The following RNF19A variants were observed in gnomAD, a reference collection of about 807,000 sequenced individuals.
The protein encoded by RNF19A is E3 ubiquitin-protein ligase RNF19A.
RNF19A carries 32 observed loss-of-function variants against 75.7 expected under a neutral mutation model. The observed-to-expected ratio is 0.42, with a 90% CI of 0.32 to 0.57. The LOEUF (loss-of-function observed/expected upper bound fraction) is 0.57, where lower values mean the gene tolerates loss of function less well. RNF19A is among the 20% of genes least tolerant of loss of function. The pLI is 0.10. For synonymous variants in RNF19A, 335 were observed against 345.2 expected, an observed-to-expected ratio of 0.97 and a Z score of 0.33; for missense variants, 782 against 1,036.3, an observed-to-expected ratio of 0.75 and a Z score of 3.37.
In RNF19A at chr8:100,261,737, TCTG is replaced by T; in HGVS notation, c.1484_1486del (p.Ala495del). The T allele has an allele frequency of 6.2e-7, 1 of 1,614,178 alleles. No homozygotes were observed. The highest frequency in any genetic ancestry group is 1.1e-5 in the South Asian group (1 of 91,082). ...CCCTATGCTTGGGTTGTGTCTTGCT[TCTG>T]CTACTGATGTTGTGTCTAAATGCAA... is the stretch of plus-strand genomic sequence containing the variant. On this transcript the variant is annotated inframe_deletion, in exon 8 of 10. Transcript: ENST00000341084. The surrounding 1 kb of genome is among the most constrained non-coding windows in gnomAD (Gnocchi z 4.4).
intron 1 of RNF19A, among the ~76,000 whole-genome samples, chr8:100,306,972 T>C (rs1822087906): frequency 6.6e-6 from 1 of 152,248 alleles, no homozygotes; most frequent in East Asian, 1.9e-4. Context: ...TATATAATCA[T>C]GGGTCCTTTC....
At position 100,283,123 on chromosome 8, in the gene RNF19A, A is replaced by C. The variant is rs578132729; in HGVS notation, c.674+4378T>G. On this transcript the variant is annotated intron_variant, in intron 2 of 9. Coordinates refer to ENST00000341084, the MANE Select transcript of RNF19A (RefSeq NM_183419.4). ...GACAATAAATCATTAATTATGTCCC[A>C]GTATAATAAATGTTCTTGTATATTC... 4.6e-5 allele frequency among the ~76,000 whole-genome samples: 7 copies of C among 151,896 alleles called. No homozygotes were observed. In the South Asian group the frequency reaches 1.5e-3, roughly 32 times the overall value.
At chr8:100,288,293 A>G in intron 1 of RNF19A, 26 bp from the exon 2 acceptor site, 1 of 1,256,756 alleles carries the variant, frequency 8.0e-7, no homozygotes, top group African/African-American at 1.5e-5. Context: ...TAAAAAAATC[A>G]AGATCATTTA....
At chr8:100,295,325 A>G (rs139856995) in intron 1 of RNF19A, among the ~76,000 whole-genome samples, 2 of 152,244 alleles carry the variant, frequency 1.3e-5, no homozygotes, top group African/African-American at 4.8e-5. Context: ...ACAGCACTCT[A>G]TTTTTCGTAG....
chr8:100,288,405 T>C (rs1821133820), intron 1 of RNF19A, 138 bp from the exon 2 acceptor site: 1 of 397,068 alleles, frequency 2.5e-6, no homozygotes, highest in Non-Finnish European at 4.2e-6. Flanking sequence ...GCCAATTTAT[T>C]AAATAGTCTA....
At chr8:100,328,472 T>G (rs145411802) in intron 1 of RNF19A, among the ~76,000 whole-genome samples, 4 of 151,972 alleles carry the variant, frequency 2.6e-5, no homozygotes, top group Non-Finnish European at 4.4e-5. Flanking sequence ...GTTTTTTGTT[T>G]GTTTGCTTTT....
chr8:100,277,384 T>C (rs923711097), intron 2 of RNF19A, among the ~76,000 whole-genome samples: 2 of 152,126 alleles, frequency 1.3e-5, no homozygotes, highest in African/African-American at 4.8e-5. Flanking sequence ...CGATCTCGGC[T>C]CACTGCAATC....
intron 1 of RNF19A, among the ~76,000 whole-genome samples, chr8:100,297,828 A>C (rs187393091): frequency 2.4e-4 from 37 of 152,322 alleles, no homozygotes; most frequent in Middle Eastern, 6.8e-3. Flanking sequence ...TAATAAGATG[A>C]GGTAACAAAA....
chr8:100,301,100 TAA>T (rs1330389094), intron 1 of RNF19A, among the ~76,000 whole-genome samples: 1 of 152,262 alleles, frequency 6.6e-6, no homozygotes. Flanking sequence ...TGAGGCTATT[TAA>T]ATTAAAATTA....
chr8:100,269,422 G>A lies in RNF19A; in HGVS notation c.1028+447C>T, dbSNP rs1264543023. ...ATATTAACAAGATACTGATAACTGA[G>A]ATTCAGGTTAAAAATTTATCCCTAG... On this transcript the variant is annotated intron_variant, in intron 4 of 9. Coordinates refer to ENST00000341084, the MANE Select transcript of RNF19A (RefSeq NM_183419.4). The surrounding 1 kb of genome is among the most constrained non-coding windows in gnomAD (Gnocchi z 5.7). Among the ~76,000 whole-genome samples the A allele has an allele frequency of 1.3e-5, 2 of 150,954 alleles. No individual in the cohort carries two copies. The highest frequency in any genetic ancestry group is 6.6e-5 in the Admixed American group (1 of 15,168).
In RNF19A at chr8:100,257,854, T is replaced by G; in HGVS notation, c.*702A>C. On this transcript the variant is annotated 3_prime_UTR_variant, in exon 10 of 10. Transcript: ENST00000341084. ...ACTTTATTTTGTAGTTTTATGTATC[T>G]TATTTGTTGCTGTCATATGCTTAAT... 1 of 395,292 alleles carries G rather than the reference T, an allele frequency of 2.5e-6. No individual in the cohort carries two copies. Among genetic ancestry groups the G allele is most frequent in the East Asian group, 3.6e-5 (1 of 27,808 alleles). 24.5% of individuals were successfully genotyped at this position (395,292 alleles called of 1,614,324 possible). A position where few individuals can be genotyped will look rare whatever the true frequency, so the allele number is the denominator to read the frequency against.
intron 1 of RNF19A, among the ~76,000 whole-genome samples, chr8:100,290,432 T>C (rs1163896424): frequency 1.3e-5 from 2 of 152,194 alleles, no homozygotes; most frequent in African/African-American, 4.8e-5. Context: ...GTATGCATAG[T>C]GGTTACAAAG....
intron 1 of RNF19A, among the ~76,000 whole-genome samples, chr8:100,301,796 GT>G (rs1443117192): frequency 6.6e-6 from 1 of 152,190 alleles, no homozygotes; most frequent in Non-Finnish European, 1.5e-5. Flanking sequence ...GGGGAAAAAA[GT>G]TAGGCAGAGC....
chr8:100,309,626 CG>C, intron 1 of RNF19A: 1 of 938,082 alleles, frequency 1.1e-6, no homozygotes, highest in Non-Finnish European at 1.3e-6. Flanking sequence ...GGGAGACGCC[CG>C]CGCCTGGGCC....
At position 100,261,784 on chromosome 8, in the gene RNF19A, G is replaced by A. The variant is rs1040342667; in HGVS notation, c.1469-29C>T. On this transcript the variant is annotated intron_variant, in intron 7 of 9. Coordinates refer to ENST00000341084, the MANE Select transcript of RNF19A (RefSeq NM_183419.4). The surrounding 1 kb of genome is among the most constrained non-coding windows in gnomAD (Gnocchi z 4.4). ...AATGCAAATATTCCAAAGAAACTAAGTAAGTATGATTATCAATTTTCTCCT... is the reference window on the plus strand; with the variant it reads ...AATGCAAATATTCCAAAGAAACTAAATAAGTATGATTATCAATTTTCTCCT... 1 of 1,597,494 alleles carries A rather than the reference G, an allele frequency of 6.3e-7. No individual in the cohort carries two copies. Among genetic ancestry groups the A allele is most frequent in the African/African-American group, 1.3e-5 (1 of 74,650 alleles).
chr8:100,296,140 C>T (rs1821550494), intron 1 of RNF19A, among the ~76,000 whole-genome samples: 1 of 151,276 alleles, frequency 6.6e-6, no homozygotes, highest in Admixed American at 6.6e-5. Flanking sequence ...GAGTCTCAAT[C>T]TGTTGCTAGG....
chr8:100,277,981 T>C (rs1820604949), intron 2 of RNF19A, among the ~76,000 whole-genome samples: 1 of 152,246 alleles, frequency 6.6e-6, no homozygotes, highest in Non-Finnish European at 1.5e-5. Context: ...ATGCCAAAAC[T>C]GTTTTCTGAA....
At chr8:100,314,267 A>C (rs551836211), upstream of RNF19A, among the ~76,000 whole-genome samples, 29 of 152,216 alleles carry the variant, frequency 1.9e-4, no homozygotes, top group African/African-American at 7.0e-4. This position sits in a 1 kb window ranked among gnomAD's most constrained non-coding sequence, Gnocchi z 4.1. Flanking sequence ...TACTATATAT[A>C]CTTTTTATTG....
intron 2 of RNF19A, among the ~76,000 whole-genome samples, chr8:100,278,367 T>C (rs142725215): frequency 4.6e-5 from 7 of 152,330 alleles, no homozygotes; most frequent in South Asian, 2.1e-4. Context: ...AAAATAAATA[T>C]TGGTTGGCAT....
Sources: gnomAD v4.1 joint callset for allele counts (sites outside exome capture counted in the v4.1 genomes callset) on GRCh38, gnomAD v4.1.1 for gene constraint, Gnocchi (gnomAD v3.1) non-coding constraint, MANE v1.5 for transcripts, NCBI Gene and HGNC (gene_info 2026-07-23, HGNC 2026-07-21) for gene names.